Variants in SHISAL1 observed in about 807,000 individuals in gnomAD.
SHISAL1 encodes the protein shisa like 1, also known as protein shisa-like-1.
SHISAL1 carries 9 observed loss-of-function variants against 22.6 expected under a neutral mutation model. The observed-to-expected ratio is 0.40, with a 90% CI of 0.24 to 0.70. The LOEUF is 0.70. Among genes scored for constraint, SHISAL1 ranks in the 30% least tolerant of loss-of-function variants. The pLI, the probability that SHISAL1 is intolerant of heterozygous loss-of-function variation, is 0.39. For missense variants in SHISAL1, 246 were observed against 270.6 expected, an observed-to-expected ratio of 0.91 and a Z score of 0.64; for synonymous variants, 119 against 115.4, an observed-to-expected ratio of 1.03 and a Z score of -0.20.
At chr22:44,266,356 G>C (rs2055160928) in intron 4 of SHISAL1, among the ~76,000 whole-genome samples, 1 of 151,748 alleles carries the variant, frequency 6.6e-6, no homozygotes, top group African/African-American at 2.4e-5. Flanking sequence ...GATGGGGATG[G>C]GGAGTGGACG....
intron 2 of SHISAL1, among the ~76,000 whole-genome samples, chr22:44,297,237 G>C (rs2055393652): frequency 6.6e-6 from 1 of 152,222 alleles, no homozygotes; most frequent in African/African-American, 2.4e-5. Context: ...AGCCAAGCAA[G>C]TCTGAGATCC....
At chr22:44,286,189 C>T (rs1424900191) in intron 3 of SHISAL1, among the ~76,000 whole-genome samples, 6 of 152,180 alleles carry the variant, frequency 3.9e-5, no homozygotes, top group Non-Finnish European at 1.5e-5. Context: ...CTCTCACTGC[C>T]TCACCCCTGC....
At chr22:44,289,608 G>A (rs141510588) in intron 3 of SHISAL1, among the ~76,000 whole-genome samples, 8 of 152,266 alleles carry the variant, frequency 5.3e-5, no homozygotes, top group East Asian at 1.9e-4. Flanking sequence ...CCTGCCTGCC[G>A]GGGGGTGTTG....
At position 44,247,626 on chromosome 22, in the gene SHISAL1, C is replaced by T. The variant is rs1315872316; in HGVS notation, c.*2059G>A. On this transcript the variant is annotated 3_prime_UTR_variant, in exon 5 of 5. Coordinates refer to ENST00000381176, the MANE Select transcript of SHISAL1 (RefSeq NM_001099294.2). The stretch of plus-strand genomic sequence containing the variant: ...GTCTTCCACAGCTGACCTGTGTGAT[C>T]CTGGGCAAGCCACTTGACCCAGCTG... 1 of 152,286 alleles carries T rather than the reference C, an allele frequency of 6.6e-6. No individual in the cohort carries two copies. Among genetic ancestry groups the T allele is most frequent in the Non-Finnish European group, 1.5e-5 (1 of 68,090 alleles). The allele number at this position is 152,286 out of a possible 1,614,324, so 9.4% of individuals were successfully genotyped here.
intron 1 of SHISAL1, among the ~76,000 whole-genome samples, chr22:44,309,038 TC>T (rs561293452): frequency 7.6e-4 from 116 of 152,274 alleles, no homozygotes; most frequent in Admixed American, 6.3e-3. Flanking sequence ...GGCATCCCTT[TC>T]CCCACCGTGT....
intron 4 of SHISAL1, among the ~76,000 whole-genome samples, chr22:44,258,093 T>A (rs2055097231): frequency 1.3e-5 from 2 of 151,982 alleles, no homozygotes; most frequent in Non-Finnish European, 2.9e-5. Context: ...TGAGCTGAGA[T>A]CATGCCATTG....
chr22:44,292,151 G>A (rs532691445), intron 3 of SHISAL1, among the ~76,000 whole-genome samples: 20 of 152,238 alleles, frequency 1.3e-4, no homozygotes, highest in African/African-American at 2.9e-4. Context: ...CACCAGCCCC[G>A]CCTCCTGGCT....
chr22:44,313,721 C>T (rs899089182), upstream of SHISAL1, among the ~76,000 whole-genome samples: 10 of 152,194 alleles, frequency 6.6e-5, no homozygotes, highest in Non-Finnish European at 1.3e-4. Context: ...CTTCGTGCAT[C>T]GTGGTACCTT....
chr22:44,252,921 G>A (rs115157788), intron 4 of SHISAL1, among the ~76,000 whole-genome samples: 2,097 of 151,968 alleles, frequency 0.014, 41 homozygotes, highest in African/African-American at 0.047. Context: ...CTCAAACCCC[G>A]GGAGGCAGAG....
chr22:44,253,326 C>T (rs2055061666), intron 4 of SHISAL1, among the ~76,000 whole-genome samples: 1 of 151,220 alleles, frequency 6.6e-6, no homozygotes, highest in South Asian at 2.1e-4. Flanking sequence ...GAAGATCTAA[C>T]AGTAATGAAT....
chr22:44,318,817 C>T, the SHISAL1 span, among the ~76,000 whole-genome samples: 117 of 152,338 alleles, frequency 7.7e-4, no homozygotes, highest in Middle Eastern at 3.4e-3. Flanking sequence ...TCATGACCCT[C>T]GGGTGAGGAC....
chr22:44,320,435 G>A, the SHISAL1 span, among the ~76,000 whole-genome samples: 18 of 152,224 alleles, frequency 1.2e-4, no homozygotes, highest in African/African-American at 4.3e-4. Context: ...GGAGGTGCGA[G>A]GCCCTGGCCA....
At chr22:44,317,261 G>A (rs996128520), upstream of SHISAL1, among the ~76,000 whole-genome samples, 1 of 152,168 alleles carries the variant, frequency 6.6e-6, no homozygotes, top group African/African-American at 2.4e-5. Flanking sequence ...CGTGCCTCTC[G>A]AATGGATCAG....
chr22:44,279,035 G>A (rs929413550), intron 4 of SHISAL1, among the ~76,000 whole-genome samples: 3 of 152,148 alleles, frequency 2.0e-5, no homozygotes, highest in Admixed American at 6.5e-5. Context: ...CCAGCAACTC[G>A]TCCGAGGACA....
chr22:44,289,368 G>C (rs898416441), intron 3 of SHISAL1, among the ~76,000 whole-genome samples: 6 of 152,328 alleles, frequency 3.9e-5, no homozygotes, highest in Admixed American at 3.9e-4. Context: ...TACCTGCGTG[G>C]TGTGCCTGCT....
the SHISAL1 span, among the ~76,000 whole-genome samples, chr22:44,328,615 G>A: frequency 6.6e-6 from 1 of 152,114 alleles, no homozygotes; most frequent in African/African-American, 2.4e-5. Flanking sequence ...CTCTTGCAGT[G>A]TGGCCTTTGG....
chr22:44,267,082 C>T (rs1009190318), intron 4 of SHISAL1, among the ~76,000 whole-genome samples: 11 of 152,150 alleles, frequency 7.2e-5, no homozygotes, highest in Middle Eastern at 3.4e-3. Flanking sequence ...GGGATGGGGA[C>T]GTGGGCACTG....
intron 4 of SHISAL1, among the ~76,000 whole-genome samples, chr22:44,273,107 C>G (rs904312559): frequency 5.4e-5 from 8 of 148,012 alleles, no homozygotes; most frequent in Non-Finnish European, 1.2e-4. Flanking sequence ...AAAAAAAAAA[C>G]AAAAAAAACC....
chr22:44,245,775 G>C lies in SHISAL1; in HGVS notation c.*3910C>G, dbSNP rs2054994966. 6.6e-6 allele frequency: 1 copy of C among 152,308 alleles called. No homozygotes were observed. The highest frequency in any genetic ancestry group is 1.5e-5 in the Non-Finnish European group (1 of 68,142). The allele number at this position is 152,308 out of a possible 1,614,324, so 9.4% of individuals were successfully genotyped here. ...AACTGGAAACCATCTCCTGGCCAAA[G>C]AAGCCTGTTAACCCCTAGCCCTGTC... is the stretch of plus-strand genomic sequence containing the variant. On this transcript the variant is annotated 3_prime_UTR_variant, in exon 5 of 5. Coordinates refer to ENST00000381176, the MANE Select transcript of SHISAL1 (RefSeq NM_001099294.2).
Sources: gnomAD v4.1 joint callset for allele counts (sites outside exome capture counted in the v4.1 genomes callset) on GRCh38, gnomAD v4.1.1 for gene constraint, MANE v1.5 for transcripts, NCBI Gene and HGNC (gene_info 2026-07-23, HGNC 2026-07-21) for gene names.